CEP152: variants seen among roughly 807,000 people sequenced by gnomAD.
The protein encoded by CEP152 is centrosomal protein 152, also known as centrosomal protein of 152 kDa.
Under a neutral mutation model 188.9 loss-of-function variants are expected in CEP152, and 132 were observed. The ratio of observed to expected loss-of-function variants is 0.70; its 90% confidence interval spans 0.61 to 0.81. The LOEUF (loss-of-function observed/expected upper bound fraction) is 0.81, where lower values mean the gene tolerates loss of function less well. CEP152 is among the 30% of genes least tolerant of loss of function. The probability of loss-of-function intolerance (pLI) is 0.00; values close to 1 mark genes in which losing one functional copy is unlikely to be tolerated. For synonymous variants in CEP152, 649 were observed against 666.6 expected, an observed-to-expected ratio of 0.97 and a Z score of 0.41; for missense variants, 1,914 against 1,969.8, an observed-to-expected ratio of 0.97 and a Z score of 0.54.
chr15:48,790,153 A>C (rs1364645709), intron 8 of CEP152, among the ~76,000 whole-genome samples: 1 of 152,266 alleles, frequency 6.6e-6, no homozygotes, highest in African/African-American at 2.4e-5. Flanking sequence ...TTGCCTATTT[A>C]TTCCAATACT....
At chr15:48,808,905 G>A (rs568134965) in intron 1 of CEP152, among the ~76,000 whole-genome samples, 44 of 152,242 alleles carry the variant, frequency 2.9e-4, no homozygotes, top group Middle Eastern at 3.4e-3. Flanking sequence ...TAAGTATACA[G>A]TATGTTTTGG....
At chr15:48,759,487 T>C (rs1046010066) in intron 19 of CEP152, among the ~76,000 whole-genome samples, 1 of 152,234 alleles carries the variant, frequency 6.6e-6, no homozygotes, top group Non-Finnish European at 1.5e-5. Flanking sequence ...AATTCTATTT[T>C]TGTGACTCAA....
At chr15:48,736,186 C>A (rs1034254551), downstream of CEP152, among the ~76,000 whole-genome samples, 3 of 152,172 alleles carry the variant, frequency 2.0e-5, no homozygotes, top group Non-Finnish European at 2.9e-5. Context: ...AGGCTAGATG[C>A]CTTCACCTAG....
At chr15:48,796,487 T>A (rs567488864) in intron 5 of CEP152, among the ~76,000 whole-genome samples, 1 of 152,262 alleles carries the variant, frequency 6.6e-6, no homozygotes, top group East Asian at 1.9e-4. Flanking sequence ...ATAGAAATAT[T>A]TTATTACAAA....
chr15:48,782,287 T>A (rs1896305750), intron 10 of CEP152, 57 bp from the exon 11 acceptor site: 2 of 1,452,544 alleles, frequency 1.4e-6, no homozygotes, highest in Admixed American at 3.4e-5. Flanking sequence ...AAAGTGCTTA[T>A]GATCTACAGA....
intron 25 of CEP152, 65 bp downstream of exon 25, chr15:48,741,882 A>G: frequency 6.2e-7 from 1 of 1,613,904 alleles, no homozygotes; most frequent in Admixed American, 1.7e-5. Context: ...GTTAAGGAAA[A>G]TGCTTTAAAA....
chr15:48,740,294 A>G (rs900534376), intron 26 of CEP152, among the ~76,000 whole-genome samples: 2 of 152,188 alleles, frequency 1.3e-5, no homozygotes, highest in Non-Finnish European at 2.9e-5. Context: ...TTTATCTAAT[A>G]TCAACACTGC....
intron 17 of CEP152, chr15:48,765,817 C>A (rs943424181): frequency 1.0e-5 from 3 of 292,024 alleles, no homozygotes; most frequent in Non-Finnish European, 2.0e-5. Context: ...CCATGCCCGG[C>A]TAATTTTTGT....
chr15:48,788,750 A>G (rs755783121), intron 9 of CEP152, 51 bp downstream of exon 9: 1 of 1,506,212 alleles, frequency 6.6e-7, no homozygotes, highest in African/African-American at 1.4e-5. Context: ...GTTACAAAAC[A>G]TAACCAGCTT....
chr15:48,785,918 AAAG>A (rs751676187), intron 9 of CEP152, among the ~76,000 whole-genome samples: 4,316 of 142,046 alleles, frequency 0.03, 52 homozygotes, highest in Middle Eastern at 0.038. Flanking sequence ...AAAAAAAAAA[AAAG>A]AGAGAGAGAG....
intron 19 of CEP152, among the ~76,000 whole-genome samples, chr15:48,759,034 C>T (rs964169254): frequency 6.6e-6 from 1 of 152,080 alleles, no homozygotes; most frequent in Non-Finnish European, 1.5e-5. Flanking sequence ...TGTTTCTTCT[C>T]TCTCTCCCTC....
intron 12 of CEP152, among the ~76,000 whole-genome samples, chr15:48,780,705 C>A (rs1286247897): frequency 6.6e-6 from 1 of 152,174 alleles, no homozygotes; most frequent in Non-Finnish European, 1.5e-5. Flanking sequence ...GAATGCATAG[C>A]ACTTAGTTGT....
intron 1 of CEP152, among the ~76,000 whole-genome samples, chr15:48,806,371 T>C (rs1382276119): frequency 6.6e-6 from 1 of 152,196 alleles, no homozygotes; most frequent in Non-Finnish European, 1.5e-5. Context: ...GGTTTTCAAC[T>C]ACTTACATTC....
intron 12 of CEP152, among the ~76,000 whole-genome samples, chr15:48,778,725 G>A (rs1345559695): frequency 6.6e-6 from 1 of 152,158 alleles, no homozygotes; most frequent in Non-Finnish European, 1.5e-5. Flanking sequence ...CGAGGTGGGA[G>A]GATCACCTGA....
intron 18 of CEP152, 117 bp from the exon 19 acceptor site, chr15:48,760,383 G>C (rs960982204): frequency 7.9e-7 from 1 of 1,273,284 alleles, no homozygotes; most frequent in African/African-American, 1.5e-5. Flanking sequence ...ACATAATAAA[G>C]TCAAACTGAC....
At chr15:48,782,334 C>T in intron 10 of CEP152, 104 bp from the exon 11 acceptor site, 2 of 934,296 alleles carry the variant, frequency 2.1e-6, no homozygotes, top group Non-Finnish European at 3.4e-6. Context: ...AAGTAAAGTT[C>T]TGCTTTACTA....
At chr15:48,731,002 A>G (rs1361230540) in intron 2 of CEP152, among the ~76,000 whole-genome samples, 1 of 152,236 alleles carries the variant, frequency 6.6e-6, no homozygotes, top group Non-Finnish European at 1.5e-5. Context: ...CTGTCAAGAA[A>G]AACTATGCAT....
chr15:48,758,113 C>T (rs1313363078), intron 19 of CEP152, among the ~76,000 whole-genome samples: 1 of 152,192 alleles, frequency 6.6e-6, no homozygotes, highest in Non-Finnish European at 1.5e-5. Flanking sequence ...AGGGTAGGGG[C>T]CAGGCAACAG....
chr15:48,744,877 T>A lies in CEP152; in HGVS notation c.3731+19A>T. On this transcript the variant is annotated intron_variant, in intron 23 of 26. Coordinates refer to ENST00000380950, the MANE Select transcript of CEP152 (RefSeq NM_001194998.2). ...CTTAGATTTCTTTAAAATAGCACTT[T>A]AAAATAGTAAAAGTATACCTTGGTG... 1 of 1,593,690 alleles carries A rather than the reference T, an allele frequency of 6.3e-7. No individual in the cohort carries two copies. The highest frequency in any genetic ancestry group is 8.5e-7 in the Non-Finnish European group (1 of 1,171,612).
Sources: allele counts gnomAD v4.1 joint callset (sites outside exome capture counted in the v4.1 genomes callset), GRCh38; gene constraint gnomAD v4.1.1; transcripts MANE v1.5; gene names NCBI Gene and HGNC (gene_info 2026-07-23, HGNC 2026-07-21).